Variants in DNM3 observed in about 807,000 individuals in gnomAD.
DNM3 encodes dynamin 3, also known as dynamin-3.
In DNM3, 47 loss-of-function variants were observed where a neutral mutation model predicts 101.6. The observed-to-expected ratio is 0.46, with a 90% CI of 0.37 to 0.59. The LOEUF (loss-of-function observed/expected upper bound fraction) is 0.59. Ranked by LOEUF, DNM3 falls within the 20% of genes least tolerant of loss-of-function variation. The probability of loss-of-function intolerance (pLI) is 0.00; values close to 1 mark genes in which losing one functional copy is unlikely to be tolerated. For missense variants in DNM3, 849 were observed against 1,085.7 expected (o/e 0.78, Z 3.06); for synonymous variants, 385 against 387.9 (o/e 0.99, Z 0.09).
At chr1:171,956,917 G>A (rs1425190855) in intron 2 of DNM3, among the ~76,000 whole-genome samples, 1 of 152,262 alleles carries the variant, frequency 6.6e-6, no homozygotes, top group Non-Finnish European at 1.5e-5. Context: ...GCCATACCTT[G>A]CCCCCTTTTA....
intron 15 of DNM3, among the ~76,000 whole-genome samples, chr1:172,277,724 C>T (rs888144170): frequency 6.6e-5 from 10 of 151,874 alleles, no homozygotes; most frequent in Middle Eastern, 3.4e-3. Context: ...ATGAAAATAG[C>T]GAAAGCATTA....
At chr1:172,381,141 C>T (rs910401321) in intron 18 of DNM3, among the ~76,000 whole-genome samples, 2 of 151,848 alleles carry the variant, frequency 1.3e-5, no homozygotes, top group African/African-American at 4.8e-5. Context: ...TCACTCTTCA[C>T]TGGTGTGTTT....
At chr1:172,369,166 A>AG (rs1290668423) in intron 17 of DNM3, among the ~76,000 whole-genome samples, 1 of 151,862 alleles carries the variant, frequency 6.6e-6, no homozygotes, top group Non-Finnish European at 1.5e-5. Flanking sequence ...GAAGGATGCA[A>AG]GAAAAAAAAG....
chr1:172,396,190 G>A (rs6424894), intron 20 of DNM3, among the ~76,000 whole-genome samples: 27,992 of 152,088 alleles, frequency 0.18, 4,701 homozygotes, highest in African/African-American at 0.45. Flanking sequence ...TTTTCTGGTC[G>A]AAGTTATCAG....
intron 15 of DNM3, among the ~76,000 whole-genome samples, chr1:172,271,920 G>A (rs1334506571): frequency 6.6e-6 from 1 of 152,052 alleles, no homozygotes; most frequent in Non-Finnish European, 1.5e-5. Flanking sequence ...AAAAGGGAAG[G>A]TGTCAATGAC....
chr1:172,416,882 G>T (rs1380543558), downstream of DNM3, among the ~76,000 whole-genome samples: 3 of 152,234 alleles, frequency 2.0e-5, no homozygotes, highest in South Asian at 2.1e-4. Context: ...GAAAGGTTAG[G>T]TACCAATAAC....
At chr1:172,091,924 G>A (rs529959171) in intron 12 of DNM3, among the ~76,000 whole-genome samples, 41 of 152,096 alleles carry the variant, frequency 2.7e-4, no homozygotes, top group Non-Finnish European at 5.4e-4. Flanking sequence ...TGAAAAGATG[G>A]TTAAATGTTA....
intron 7 of DNM3, among the ~76,000 whole-genome samples, 181 bp downstream of exon 7, chr1:172,038,642 T>G (rs913664054): frequency 1.3e-5 from 2 of 152,204 alleles, no homozygotes; most frequent in African/African-American, 2.4e-5. Context: ...TTGGTATTAT[T>G]CTGTTATTAT....
chr1:172,046,916 A>G (rs1044393785), intron 9 of DNM3, among the ~76,000 whole-genome samples: 3 of 152,164 alleles, frequency 2.0e-5, no homozygotes, highest in African/African-American at 7.2e-5. Flanking sequence ...ACTCATTACC[A>G]TATACAGCTT....
intron 7 of DNM3, among the ~76,000 whole-genome samples, chr1:172,039,166 TC>T (rs2049177948): frequency 6.6e-6 from 1 of 152,100 alleles, no homozygotes; most frequent in South Asian, 2.1e-4. Context: ...CTCCATCAGT[TC>T]CTTTATCCTG....
chr1:171,880,482 C>T (rs966660634), intron 1 of DNM3, among the ~76,000 whole-genome samples: 3 of 152,064 alleles, frequency 2.0e-5, no homozygotes, highest in African/African-American at 7.2e-5. Context: ...TTTTTTGGCA[C>T]AGCGATCATT....
intron 15 of DNM3, among the ~76,000 whole-genome samples, chr1:172,253,991 G>T (rs1342651000): frequency 1.3e-5 from 2 of 151,916 alleles, no homozygotes; most frequent in African/African-American, 4.8e-5. Flanking sequence ...ATCCAGACCG[G>T]AATACAGTGC....
chr1:172,119,207 G>T (rs904363205), intron 13 of DNM3, among the ~76,000 whole-genome samples: 5 of 151,858 alleles, frequency 3.3e-5, no homozygotes, highest in African/African-American at 1.2e-4. Context: ...GGTGAGGCTG[G>T]TCTCGAACTC....
At chr1:172,269,737 G>A (rs1025300078) in intron 15 of DNM3, among the ~76,000 whole-genome samples, 1 of 152,146 alleles carries the variant, frequency 6.6e-6, no homozygotes, top group African/African-American at 2.4e-5. Flanking sequence ...GTTGTGTGCT[G>A]CAGCTTCCTT....
chr1:172,071,967 C>T (rs1217435987), intron 11 of DNM3, among the ~76,000 whole-genome samples: 3 of 152,292 alleles, frequency 2.0e-5, no homozygotes, highest in Non-Finnish European at 2.9e-5. Context: ...TCCCAGTTTC[C>T]AGGAATATAA....
intron 1 of DNM3, among the ~76,000 whole-genome samples, chr1:171,886,988 T>C (rs1330337551): frequency 2.0e-5 from 3 of 152,222 alleles, no homozygotes; most frequent in African/African-American, 7.2e-5. Flanking sequence ...GTGATGTGAT[T>C]TGATAATAAC....
intron 13 of DNM3, among the ~76,000 whole-genome samples, chr1:172,096,141 G>T (rs138404716): frequency 1.1e-4 from 16 of 152,192 alleles, no homozygotes; most frequent in African/African-American, 3.9e-4. Flanking sequence ...CAAGAGGCCA[G>T]CCTTGGTCAC....
At chr1:172,264,505 T>C (rs2062785393) in intron 15 of DNM3, among the ~76,000 whole-genome samples, 1 of 152,238 alleles carries the variant, frequency 6.6e-6, no homozygotes, top group African/African-American at 2.4e-5. Flanking sequence ...AAATAAGTGT[T>C]CTCATTCCTT....
In DNM3 at chr1:172,409,444, A is replaced by C; in HGVS notation, c.*1603A>C. ...GTGCCATTGTATTGAACTTATTCTA[A>C]AGGCTTATGCTAACCCATTTATAAT... On this transcript the variant is annotated 3_prime_UTR_variant, in exon 21 of 21. Transcript: ENST00000627582. The C allele has an allele frequency of 7.1e-6, 7 of 984,518 alleles. No individual in the cohort carries two copies. Among genetic ancestry groups the C allele is most frequent in the South Asian group, 9.4e-5 (2 of 21,264 alleles). 61.0% of individuals were successfully genotyped at this position (984,518 alleles called of 1,614,324 possible).
Sources: gnomAD v4.1 joint callset for allele counts (sites outside exome capture counted in the v4.1 genomes callset) on GRCh38, gnomAD v4.1.1 for gene constraint, MANE v1.5 for transcripts, NCBI Gene and HGNC (gene_info 2026-07-23, HGNC 2026-07-21) for gene names.